Variants in OMA1 observed in about 807,000 individuals in gnomAD.
OMA1 encodes OMA1 zinc metallopeptidase, also known as metalloendopeptidase OMA1, mitochondrial.
In OMA1, 38 loss-of-function variants were observed where a neutral mutation model predicts 30.9. The observed-to-expected ratio is 1.23, with a 90% CI of 0.95 to 1.61. The LOEUF (loss-of-function observed/expected upper bound fraction) is 1.61. OMA1 is among the 40% of genes most tolerant of loss of function. The pLI, the probability that OMA1 is intolerant of heterozygous loss-of-function variation, is 0.00. For missense variants in OMA1, 461 were observed against 349.2 expected, an observed-to-expected ratio of 1.32 and a Z score of -2.55; for synonymous variants, 173 against 121.9, an observed-to-expected ratio of 1.42 and a Z score of -2.76.
intron 7 of OMA1, among the ~76,000 whole-genome samples, chr1:58,523,042 T>TC (rs1448385126): frequency 6.6e-6 from 1 of 152,186 alleles, no homozygotes; most frequent in Non-Finnish European, 1.5e-5. Context: ...ATAATCAGAA[T>TC]CCTTCTGCTA....
At chr1:58,520,849 A>G (rs764014473) in intron 7 of OMA1, among the ~76,000 whole-genome samples, 1 of 152,184 alleles carries the variant, frequency 6.6e-6, no homozygotes, top group Non-Finnish European at 1.5e-5. Flanking sequence ...AGAAAAATCT[A>G]CAACCATAAT....
chr1:58,487,007 A>G (rs1408920936), intron 8 of OMA1, among the ~76,000 whole-genome samples: 1 of 152,238 alleles, frequency 6.6e-6, no homozygotes, highest in Non-Finnish European at 1.5e-5. Context: ...AGAAGCCACT[A>G]GAGGGTTTTA....
intron 7 of OMA1, among the ~76,000 whole-genome samples, chr1:58,517,573 G>A (rs187926068): frequency 9.2e-5 from 14 of 152,098 alleles, no homozygotes; most frequent in African/African-American, 3.1e-4. Flanking sequence ...ATTCTCCCAT[G>A]GAATGAATGT....
At chr1:58,530,907 A>G (rs756889773) in intron 5 of OMA1, among the ~76,000 whole-genome samples, 178 bp from the exon 6 acceptor site, 27 of 152,076 alleles carry the variant, frequency 1.8e-4, no homozygotes, top group Non-Finnish European at 3.2e-4. Flanking sequence ...TGGTTTATCT[A>G]CTTATATACC....
At chr1:58,500,197 T>A (rs538652964) in intron 8 of OMA1, among the ~76,000 whole-genome samples, 5 of 152,260 alleles carry the variant, frequency 3.3e-5, no homozygotes, top group African/African-American at 1.2e-4. Flanking sequence ...ATATTTTTTT[T>A]AAGGGTTTAG....
intron 7 of OMA1, among the ~76,000 whole-genome samples, chr1:58,525,615 A>G (rs2100461942): frequency 6.6e-6 from 1 of 152,246 alleles, no homozygotes; most frequent in East Asian, 1.9e-4. Flanking sequence ...GGAAGAATCA[A>G]TACTACAGAC....
At chr1:58,540,745 T>C (rs1191127360) in intron 1 of OMA1, among the ~76,000 whole-genome samples, 1 of 151,490 alleles carries the variant, frequency 6.6e-6, no homozygotes, top group East Asian at 1.9e-4. Flanking sequence ...CAATGAGGTA[T>C]GCAATAACTT....
intron 8 of OMA1, among the ~76,000 whole-genome samples, chr1:58,482,289 T>C (rs11207239): frequency 0.15 from 22,957 of 152,138 alleles, 1,818 homozygotes; most frequent in Middle Eastern, 0.23. Flanking sequence ...AACATAAGCA[T>C]GTTATTTAGA....
chr1:58,528,624 A>T (rs187044209), intron 6 of OMA1, among the ~76,000 whole-genome samples: 2 of 152,336 alleles, frequency 1.3e-5, no homozygotes, highest in East Asian at 1.9e-4. Context: ...TACAGTGCAC[A>T]GGACAACTCC....
rs71043289 is a variant in OMA1, at chr1:58,485,228, TAAAAAAAAAAAAAAA to T, written c.1366-4069_1366-4055del. On this transcript the variant is annotated intron_variant, in intron 8 of 8. Transcript: ENST00000371226. ...GTCTAAAAATAAAAGAGTCTACTAC[TAAAAAAAAAAAAAAA>T]AAAAAAAAAAAAAGCTGGCCTGGAA... is the stretch of plus-strand genomic sequence containing the variant. Among the ~76,000 whole-genome samples, 44 of 42,062 alleles carry T rather than the reference TAAAAAAAAAAAAAAA, an allele frequency of 1.0e-3. 1 individual carries two copies. The highest frequency in any genetic ancestry group is 3.9e-3 in the African/African-American group (40 of 10,294). 27.6% of individuals were successfully genotyped at this position (42,062 alleles called of 152,430 possible). A position where few individuals can be genotyped will look rare whatever the true frequency, so the allele number is the denominator to read the frequency against.
intron 7 of OMA1, among the ~76,000 whole-genome samples, chr1:58,510,778 T>C (rs1224743558): frequency 9.2e-5 from 14 of 151,378 alleles, no homozygotes; most frequent in Non-Finnish European, 1.5e-5. Flanking sequence ...TTCAGTAAAG[T>C]TAGTATACAA....
At chr1:58,546,027 C>T (rs1236799838) in intron 1 of OMA1, among the ~76,000 whole-genome samples, 1 of 152,206 alleles carries the variant, frequency 6.6e-6, no homozygotes, top group Admixed American at 6.5e-5. Flanking sequence ...TTTCATCTCC[C>T]TGGACTACAA....
chr1:58,493,216 GCC>G (rs1190726494), intron 8 of OMA1, among the ~76,000 whole-genome samples: 2 of 152,028 alleles, frequency 1.3e-5, no homozygotes, highest in East Asian at 3.9e-4. Context: ...AAATTCAACA[GCC>G]CTTCATGCTA....
chr1:58,513,322 C>G (rs1459423781), intron 7 of OMA1, among the ~76,000 whole-genome samples: 1 of 152,184 alleles, frequency 6.6e-6, no homozygotes, highest in Non-Finnish European at 1.5e-5. Context: ...CCATGGAGAA[C>G]TGTGAGTCAA....
intron 8 of OMA1, among the ~76,000 whole-genome samples, chr1:58,505,746 CA>C (rs1386881029): frequency 2.0e-5 from 3 of 152,122 alleles, no homozygotes; most frequent in Admixed American, 1.3e-4. Context: ...TTATCATCAA[CA>C]TGTTTAAAAA....
At chr1:58,533,698 TTAC>T (rs1308018947) in intron 5 of OMA1, among the ~76,000 whole-genome samples, 7 of 152,128 alleles carry the variant, frequency 4.6e-5, no homozygotes, top group African/African-American at 1.2e-4. Context: ...TTGAGAATAA[TTAC>T]GTTTTAGCAA....
At chr1:58,502,050 G>A (rs554093470) in intron 8 of OMA1, among the ~76,000 whole-genome samples, 4 of 151,866 alleles carry the variant, frequency 2.6e-5, no homozygotes, top group African/African-American at 9.7e-5. Flanking sequence ...GCATATAACA[G>A]ATGACTGATA....
chr1:58,486,359 A>G (rs1437036529), intron 8 of OMA1, among the ~76,000 whole-genome samples: 5 of 152,278 alleles, frequency 3.3e-5, no homozygotes, highest in African/African-American at 1.2e-4. Flanking sequence ...GACTCCTAAG[A>G]CCACTGTTAT....
At position 58,506,062 on chromosome 1, in the gene OMA1, G is replaced by A. The variant is rs1645984400; in HGVS notation, c.1363C>T (p.Gln455Ter). The A allele has an allele frequency of 2.3e-6, 2 of 865,846 alleles. No homozygotes were observed. Among genetic ancestry groups the A allele is most frequent in the East Asian group, 2.4e-5 (1 of 41,658 alleles). The allele number at this position is 865,846 out of a possible 1,614,324, so 53.6% of individuals were successfully genotyped here. ...CGCCTTCTACGGTGTCAGCTCACCTGAGGTATAAGTCTATCCAAGTACTCA... is the reference window on the plus strand; with the variant it reads ...CGCCTTCTACGGTGTCAGCTCACCTAAGGTATAAGTCTATCCAAGTACTCA... ...RVEYLDRLIPQALKIREMCNC... is the reference protein window; with the variant it reads ...RVEYLDRLIP Residue 455 changes from glutamine to a stop codon, truncating the protein, a stop_gained and splice_region_variant, in exon 8 of 9, where the codon CAG (glutamine) becomes TAG (stop). Transcript: ENST00000371226. LOFTEE classifies it high-confidence loss of function.
Sources: gnomAD v4.1 joint callset for allele counts (sites outside exome capture counted in the v4.1 genomes callset) on GRCh38, gnomAD v4.1.1 for gene constraint, MANE v1.5 for transcripts, NCBI Gene and HGNC (gene_info 2026-07-23, HGNC 2026-07-21) for gene names.